Variants in CAP1 observed in about 807,000 individuals in gnomAD.
CAP1 encodes the protein cyclase associated actin cytoskeleton regulatory protein 1.
Under a neutral mutation model 58.2 loss-of-function variants are expected in CAP1, and 11 were observed. The ratio of observed to expected loss-of-function variants is 0.19; its 90% CI spans 0.12 to 0.31. The LOEUF is 0.31. Ranked by LOEUF, CAP1 falls within the 10% of genes least tolerant of loss-of-function variation. The pLI is 1.00. For synonymous variants in CAP1, 183 were observed against 213.8 expected, an observed-to-expected ratio of 0.86 and a Z score of 1.26; for missense variants, 423 against 587.5, an observed-to-expected ratio of 0.72 and a Z score of 2.89.
intron 1 of CAP1, among the ~76,000 whole-genome samples, chr1:40,043,701 A>T (rs1186263852): frequency 2.0e-5 from 3 of 151,970 alleles, no homozygotes; most frequent in African/African-American, 7.3e-5. Context: ...ACATGGTGAA[A>T]CACCATCACT....
intron 12 of CAP1, 99 bp downstream of exon 12, chr1:40,071,078 A>T: frequency 1.7e-6 from 2 of 1,160,388 alleles, no homozygotes; most frequent in Non-Finnish European, 2.4e-6. Context: ...TGCACTGAGC[A>T]GGTAAAAACC....
chr1:40,046,178 G>C (rs974720816), intron 1 of CAP1, among the ~76,000 whole-genome samples: 5 of 152,184 alleles, frequency 3.3e-5, no homozygotes, highest in Non-Finnish European at 7.4e-5. Context: ...CATATAGGCT[G>C]GGCGTGGTGA....
chr1:40,050,551 C>G lies in CAP1; in HGVS notation c.-10-8786C>G, dbSNP rs560015406. ...GTGCATGCCTGTAGTTCCAGCTACT[C>G]GGGAGGCTGAGGCAGGAGAATCGCT... On this transcript the variant is annotated intron_variant, in intron 1 of 12. Transcript: ENST00000372805. Among the ~76,000 whole-genome samples the G allele has an allele frequency of 2.4e-4, 37 of 151,666 alleles. 1 individual carries two copies. The highest frequency in any genetic ancestry group is 8.7e-4 in the African/African-American group (36 of 41,410).
chr1:40,052,726 A>C (rs762368126), intron 1 of CAP1, among the ~76,000 whole-genome samples: 11 of 152,026 alleles, frequency 7.2e-5, no homozygotes, highest in Non-Finnish European at 1.0e-4. Flanking sequence ...TTGCTTTCCA[A>C]ATATGTCTCA....
At position 40,071,030 on chromosome 1, in the gene CAP1, G is replaced by C. The variant is rs747734613; in HGVS notation, c.1344+51G>C. 2.0e-6 allele frequency: 3 copies of C among 1,522,020 alleles called. No homozygotes were observed. In the South Asian group the frequency reaches 3.6e-5, roughly 18 times the overall value. 94.3% of individuals were successfully genotyped at this position (1,522,020 alleles called of 1,614,324 possible). On this transcript the variant is annotated intron_variant, in intron 12 of 12. Coordinates refer to ENST00000372805, the MANE Select transcript of CAP1 (RefSeq NM_006367.4). The stretch of plus-strand genomic sequence containing the variant: ...GATGTTAAAAACAGAAGGGACTGAA[G>C]ATTTCTGGCATTGAAGAAAGCTATT...
chr1:40,064,084 G>T, intron 4 of CAP1, 143 bp from the exon 5 acceptor site: 1 of 717,300 alleles, frequency 1.4e-6, no homozygotes, highest in South Asian at 1.8e-5. Context: ...CAGTATTTTA[G>T]CCTTAGGAAT....
upstream of CAP1, chr1:40,040,371 C>T (rs1248363273): frequency 6.6e-6 from 1 of 152,304 alleles, no homozygotes; most frequent in African/African-American, 2.4e-5. Context: ...TGAGACCAAA[C>T]TGACAGAGGA....
At chr1:40,071,002 T>C in intron 12 of CAP1, 23 bp downstream of exon 12, 1 of 1,591,084 alleles carries the variant, frequency 6.3e-7, no homozygotes, top group Non-Finnish European at 8.6e-7. Flanking sequence ...ATCTCTTTAG[T>C]ATGATGTTAA....
At chr1:40,048,104 C>T (rs1036968165) in intron 1 of CAP1, among the ~76,000 whole-genome samples, 7 of 151,914 alleles carry the variant, frequency 4.6e-5, no homozygotes, top group African/African-American at 1.2e-4. Flanking sequence ...CCGTAACCTC[C>T]GCCTCCCGGG....
At chr1:40,067,896 A>G (rs562122107) in intron 8 of CAP1, among the ~76,000 whole-genome samples, 179 bp downstream of exon 8, 28 of 152,310 alleles carry the variant, frequency 1.8e-4, no homozygotes, top group Non-Finnish European at 3.4e-4. Context: ...TGATGATCAC[A>G]GTTGGAGGAA....
At chr1:40,062,773 T>TTGTGTGTGTGTGTG (rs1169359200) in intron 4 of CAP1, among the ~76,000 whole-genome samples, 3,414 of 145,592 alleles carry the variant, frequency 0.023, 70 homozygotes, top group Middle Eastern at 0.067. Context: ...TCAAAAAACA[T>TTGTGTGTGTGTGTG]TGTGTGTGTG....
chr1:40,065,905 A>C (rs113451187), intron 6 of CAP1, among the ~76,000 whole-genome samples: 1 of 152,206 alleles, frequency 6.6e-6, no homozygotes, highest in African/African-American at 2.4e-5. Flanking sequence ...ACTTTGAAAA[A>C]AGTTTCAATA....
At position 40,061,211 on chromosome 1, in the gene CAP1, T is replaced by G. The variant is rs150175572; in HGVS notation, c.217-524T>G. Among the ~76,000 whole-genome samples the G allele has an allele frequency of 7.4e-3, 1,127 of 152,136 alleles. 17 individuals carry two copies. Among genetic ancestry groups the G allele is most frequent in the South Asian group, 0.012 (58 of 4,830 alleles). On this transcript the variant is annotated intron_variant, in intron 3 of 12. Coordinates refer to ENST00000372805, the MANE Select transcript of CAP1 (RefSeq NM_006367.4). ...ATAACTTGAAGTTGGTGCACTGCAC[T>G]CATACTTTTGTTCCATTAAGCTCAC... is the stretch of plus-strand genomic sequence containing the variant.
chr1:40,069,625 C>A, intron 8 of CAP1, 65 bp from the exon 9 acceptor site: 1 of 1,405,992 alleles, frequency 7.1e-7, no homozygotes, highest in Non-Finnish European at 9.8e-7. Context: ...GGATGTTTAA[C>A]ATGACGATAG....
Position 40,071,691 on chromosome 1 carries a change from C to A in CAP1, c.*158C>A, listed in dbSNP as rs1648066735. On this transcript the variant is annotated 3_prime_UTR_variant, in exon 13 of 13. Coordinates refer to ENST00000372805, the MANE Select transcript of CAP1 (RefSeq NM_006367.4). ...TGCCTTCACTGAAATATACCTCAGG[C>A]TGAAATTTGGGGTGGGATAGCAGGT... 1.7e-6 allele frequency: 1 copy of A among 585,340 alleles called. No individual in the cohort carries two copies. Among genetic ancestry groups the A allele is most frequent in the South Asian group, 2.2e-5 (1 of 46,248 alleles). 36.3% of individuals were successfully genotyped at this position (585,340 alleles called of 1,614,324 possible).
intron 3 of CAP1, among the ~76,000 whole-genome samples, chr1:40,061,154 TAC>T: frequency 1.7e-5 from 1 of 57,248 alleles, no homozygotes; most frequent in Non-Finnish European, 3.6e-5. Flanking sequence ...ACTTCTGCTG[TAC>T]TTTTTTTTTT....
intron 6 of CAP1, among the ~76,000 whole-genome samples, chr1:40,064,823 A>G (rs1255703356): frequency 6.6e-6 from 1 of 152,094 alleles, no homozygotes; most frequent in Non-Finnish European, 1.5e-5. Context: ...GGTCTCCCCA[A>G]AGTGCTGGGA....
intron 1 of CAP1, among the ~76,000 whole-genome samples, chr1:40,047,706 T>A (rs1364730347): frequency 1.3e-5 from 2 of 152,200 alleles, no homozygotes; most frequent in African/African-American, 2.4e-5. Flanking sequence ...CAATTAGTCT[T>A]CATAATATTC....
In CAP1 at chr1:40,070,050, A is replaced by G; in HGVS notation, c.994-109A>G. On this transcript the variant is annotated intron_variant, in intron 9 of 12. Transcript: ENST00000372805. Reference sequence around the variant, plus strand: ...AGGTTAAATGGAGCTTAGCTAGATGAGGGCAGAGTTCTGGCTTCAATTGCA... The same window carrying G: ...AGGTTAAATGGAGCTTAGCTAGATGGGGGCAGAGTTCTGGCTTCAATTGCA... 2.7e-6 allele frequency: 4 copies of G among 1,505,232 alleles called. No individual in the cohort carries two copies. The South Asian group carries it at 3.7e-5, about 14-fold the overall frequency. 93.2% of individuals were successfully genotyped at this position (1,505,232 alleles called of 1,614,324 possible).
Sources: allele counts gnomAD v4.1 joint callset (sites outside exome capture counted in the v4.1 genomes callset), GRCh38; gene constraint gnomAD v4.1.1; transcripts MANE v1.5; gene names NCBI Gene and HGNC (gene_info 2026-07-23, HGNC 2026-07-21).